TPH2: variants seen among roughly 807,000 people sequenced by gnomAD.
TPH2 encodes the protein tryptophan 5-hydroxylase 2.
Under a neutral mutation model 59.1 loss-of-function variants are expected in TPH2, and 27 were observed. That is an observed-to-expected ratio of 0.46 (90% CI 0.34 to 0.63). The LOEUF (loss-of-function observed/expected upper bound fraction) is 0.63. TPH2 is among the 30% of genes least tolerant of loss of function. The pLI is 0.01. For missense variants in TPH2, 523 were observed against 588.3 expected (o/e 0.89, Z 1.15); for synonymous variants, 220 against 210.5 (o/e 1.05, Z -0.39).
chr12:72,031,224 C>T (rs1045417955), intron 9 of TPH2, 34 bp from the exon 10 acceptor site: 2 of 1,612,804 alleles, frequency 1.2e-6, no homozygotes, highest in African/African-American at 1.3e-5. Context: ...AGTCTCATTA[C>T]AGAGTTTAAC....
Position 71,963,678 on chromosome 12 carries a change from A to T in TPH2, c.609-8841A>T, listed in dbSNP as rs1871743120. Reference sequence around the variant, plus strand: ...ACAAAAATTAGCCAGGTGTGGTGGCACGCGCCTATAGTCCCAGCTACTCAG... The same window carrying T: ...ACAAAAATTAGCCAGGTGTGGTGGCTCGCGCCTATAGTCCCAGCTACTCAG... On this transcript the variant is annotated intron_variant, in intron 5 of 10. Transcript: ENST00000333850. Among the ~76,000 whole-genome samples, 2 of 48,592 alleles carry T rather than the reference A, an allele frequency of 4.1e-5. 1 individual carries two copies. The highest frequency in any genetic ancestry group is 1.0e-4 in the Non-Finnish European group (2 of 19,662). The allele number at this position is 48,592 out of a possible 152,430, so 31.9% of individuals were successfully genotyped here. A position where few individuals can be genotyped will look rare whatever the true frequency, so the allele number is the denominator to read the frequency against.
At chr12:72,010,909 T>C (rs944883737) in intron 8 of TPH2, among the ~76,000 whole-genome samples, 2 of 152,232 alleles carry the variant, frequency 1.3e-5, no homozygotes, top group African/African-American at 4.8e-5. Context: ...AGTTTTCTTC[T>C]GTTTCAAGGA....
chr12:72,025,631 C>T lies in TPH2; in HGVS notation c.1164+3137C>T, dbSNP rs145831776. Among the ~76,000 whole-genome samples the T allele has an allele frequency of 1.0e-3, 152 of 152,198 alleles. 3 individuals are homozygous for T. The East Asian group carries it at 0.015, about 15-fold the overall frequency. On this transcript the variant is annotated intron_variant, in intron 9 of 10. Coordinates refer to ENST00000333850, the MANE Select transcript of TPH2 (RefSeq NM_173353.4). ...CTTTTTCCCCCACAGCAATGGTTGC[C>T]CCTCTCTTATTCTAATGATCTGTTC... is the stretch of plus-strand genomic sequence containing the variant.
chr12:72,007,742 A>G (rs1363924649), intron 8 of TPH2, among the ~76,000 whole-genome samples: 2 of 151,994 alleles, frequency 1.3e-5, no homozygotes, highest in Non-Finnish European at 2.9e-5. Flanking sequence ...AGCTCTCACA[A>G]AAACTTTTTT....
At chr12:72,012,959 C>T (rs12230512) in intron 8 of TPH2, among the ~76,000 whole-genome samples, 7,883 of 152,180 alleles carry the variant, frequency 0.052, 372 homozygotes, top group East Asian at 0.18. Flanking sequence ...AACACAATCA[C>T]CCATTTATTC....
intron 5 of TPH2, among the ~76,000 whole-genome samples, chr12:71,966,507 G>A (rs2139199032): frequency 6.6e-6 from 1 of 152,280 alleles, no homozygotes; most frequent in South Asian, 2.1e-4. Flanking sequence ...AGGTGGGGAA[G>A]GAAAGAAAAG....
chr12:72,014,919 G>A (rs1873200746), intron 8 of TPH2, among the ~76,000 whole-genome samples: 1 of 152,134 alleles, frequency 6.6e-6, no homozygotes, highest in Non-Finnish European at 1.5e-5. Flanking sequence ...TGCAGCCTCT[G>A]TTTTCACTTT....
chr12:71,961,968 G>A (rs137943850), intron 5 of TPH2: 16 of 1,055,358 alleles, frequency 1.5e-5, no homozygotes, highest in Middle Eastern at 4.6e-4. Flanking sequence ...AGTTCCTTAA[G>A]GCCCGTAGAC....
chr12:72,024,098 T>A (rs909198227), intron 9 of TPH2, among the ~76,000 whole-genome samples: 1 of 152,198 alleles, frequency 6.6e-6, no homozygotes, highest in Non-Finnish European at 1.5e-5. Flanking sequence ...CTGTGATCCC[T>A]GCCATCAAAG....
In TPH2 at chr12:71,988,688, TG is replaced by T. The variant is rs566472677; in HGVS notation, c.942-5749del. Reference sequence around the variant, plus strand: ...GGGTTTACATTTTAACGTGAGATTTTGGCTGGGTACAAATATCTAAGCTATA... The same window carrying T: ...GGGTTTACATTTTAACGTGAGATTTTGCTGGGTACAAATATCTAAGCTATA... On this transcript the variant is annotated intron_variant, in intron 7 of 10. Coordinates refer to ENST00000333850, the MANE Select transcript of TPH2 (RefSeq NM_173353.4). Among the ~76,000 whole-genome samples, 143 of 152,314 alleles carry T rather than the reference TG, an allele frequency of 9.4e-4. 1 individual carries two copies. The highest frequency in any genetic ancestry group is 3.4e-3 in the Middle Eastern group (1 of 294).
intron 8 of TPH2, among the ~76,000 whole-genome samples, chr12:72,015,317 T>G (rs560111248): frequency 1.1e-3 from 141 of 132,326 alleles, no homozygotes; most frequent in Non-Finnish European, 1.3e-3. Flanking sequence ...TTTTGGTTGT[T>G]TTTTTTTTTT....
chr12:72,002,500 T>G (rs1463523336), intron 8 of TPH2, among the ~76,000 whole-genome samples: 1 of 152,212 alleles, frequency 6.6e-6, no homozygotes, highest in African/African-American at 2.4e-5. Context: ...ATGGCAAGGT[T>G]AGAACGCTAA....
Position 71,964,210 on chromosome 12 carries a change from ATATT to A in TPH2, c.609-8308_609-8305del. On this transcript the variant is annotated intron_variant, in intron 5 of 10. Coordinates refer to ENST00000333850, the MANE Select transcript of TPH2 (RefSeq NM_173353.4). The stretch of plus-strand genomic sequence containing the variant: ...TCTGGGCATATATATACACTTATAT[ATATT>A]AGTATATATATGCTTATTATATATT... 4.0e-5 allele frequency: 2 copies of A among 50,632 alleles called. 1 individual carries two copies. The highest frequency in any genetic ancestry group is 4.2e-4 in the Admixed American group (2 of 4,800). The allele number at this position is 50,632 out of a possible 1,614,324, so 3.1% of individuals were successfully genotyped here.
chr12:71,949,445 C>T (rs1871284866), intron 4 of TPH2, 143 bp from the exon 5 acceptor site: 1 of 670,252 alleles, frequency 1.5e-6, no homozygotes, highest in Non-Finnish European at 2.7e-6. Context: ...CAATTTGTTT[C>T]TGTCTGTGTC....
intron 8 of TPH2, among the ~76,000 whole-genome samples, chr12:72,009,339 A>T (rs551514235): frequency 6.6e-6 from 1 of 152,282 alleles, no homozygotes; most frequent in South Asian, 2.1e-4. Context: ...TGGCAAAATA[A>T]CTTACCATGA....
At chr12:71,974,136 G>T (rs780421212) in intron 6 of TPH2, among the ~76,000 whole-genome samples, 1 of 151,892 alleles carries the variant, frequency 6.6e-6, no homozygotes, top group Non-Finnish European at 1.5e-5. Context: ...TTGCTTTCTT[G>T]CTTGTCTTCT....
chr12:71,949,728 C>A, intron 5 of TPH2, 73 bp downstream of exon 5: 1 of 1,283,654 alleles, frequency 7.8e-7, no homozygotes, highest in South Asian at 1.2e-5. Flanking sequence ...ACAAACCTGT[C>A]ATCTCTTCAC....
At chr12:72,013,268 G>A in intron 8 of TPH2, among the ~76,000 whole-genome samples, 1 of 152,084 alleles carries the variant, frequency 6.6e-6, no homozygotes, top group East Asian at 1.9e-4. Flanking sequence ...TCTTTTTCTA[G>A]CTGACAAGAT....
intron 9 of TPH2, among the ~76,000 whole-genome samples, chr12:72,027,023 C>T (rs1315793219): frequency 6.6e-6 from 1 of 151,100 alleles, no homozygotes; most frequent in Admixed American, 6.6e-5. Flanking sequence ...AATCTAGGGC[C>T]CAAACTATTC....
Sources: gnomAD v4.1 joint callset for allele counts (sites outside exome capture counted in the v4.1 genomes callset) on GRCh38, gnomAD v4.1.1 for gene constraint, MANE v1.5 for transcripts, NCBI Gene and HGNC (gene_info 2026-07-23, HGNC 2026-07-21) for gene names.